ZNF69: variants seen among roughly 807,000 people sequenced by gnomAD.
ZNF69 encodes zinc finger protein 69.
ZNF69 carries 47 observed loss-of-function variants against 50.9 expected under a neutral mutation model. That is an observed-to-expected ratio of 0.92 (90% confidence interval 0.73 to 1.18). ZNF69 has a LOEUF of 1.18. Ranked by LOEUF, ZNF69 falls within the 50% of genes most tolerant of loss-of-function variation. The pLI is 0.00. For synonymous variants in ZNF69, 216 were observed against 223.1 expected (o/e 0.97, Z 0.29); for missense variants, 717 against 675.1 (o/e 1.06, Z -0.69).
chr19:11,909,541 C>T (rs1972427410), downstream of ZNF69, among the ~76,000 whole-genome samples: 1 of 152,158 alleles, frequency 6.6e-6, no homozygotes, highest in Non-Finnish European at 1.5e-5. Flanking sequence ...CGTAATCCAT[C>T]ATATAAACAG....
chr19:11,977,482 G>A, the ZNF69 span: 9 of 1,587,380 alleles, frequency 5.7e-6, no homozygotes, highest in South Asian at 1.0e-4. Flanking sequence ...TTTAGTATAT[G>A]ATAATATGTT....
chr19:11,964,707 C>G, the ZNF69 span, among the ~76,000 whole-genome samples: 1 of 152,204 alleles, frequency 6.6e-6, no homozygotes, highest in Non-Finnish European at 1.5e-5. Flanking sequence ...CCTATGGACA[C>G]TGAGTCTGAA....
the ZNF69 span, among the ~76,000 whole-genome samples, chr19:11,971,830 A>G: frequency 2.0e-5 from 3 of 152,152 alleles, no homozygotes; most frequent in Non-Finnish European, 4.4e-5. Context: ...TTGGGAGGCC[A>G]ATGTGGATGG....
chr19:11,979,202 C>T, the ZNF69 span: 26 of 1,605,940 alleles, frequency 1.6e-5, no homozygotes, highest in Non-Finnish European at 2.2e-5. Context: ...AAATGCATGC[C>T]ATGTGGTAAA....
the ZNF69 span, among the ~76,000 whole-genome samples, chr19:11,951,136 C>G: frequency 1.8e-5 from 2 of 111,628 alleles, no homozygotes; most frequent in East Asian, 5.0e-4. Flanking sequence ...GGCAACAGAG[C>G]AAGACTCCAT....
the ZNF69 span, among the ~76,000 whole-genome samples, chr19:11,935,240 T>G: frequency 5.7e-5 from 8 of 139,822 alleles, no homozygotes; most frequent in African/African-American, 1.9e-4. Context: ...CTTGTTTTTT[T>G]TTTTTTTTTT....
At chr19:11,967,728 A>G in the ZNF69 span, among the ~76,000 whole-genome samples, 2 of 152,198 alleles carry the variant, frequency 1.3e-5, no homozygotes, top group Non-Finnish European at 2.9e-5. Flanking sequence ...AAAAAAAGAA[A>G]AAAGAAAAAG....
At chr19:11,892,020 C>T (rs1026947803) in intron 1 of ZNF69, among the ~76,000 whole-genome samples, 3 of 152,052 alleles carry the variant, frequency 2.0e-5, no homozygotes, top group Non-Finnish European at 4.4e-5. Flanking sequence ...TGTTCTGTGG[C>T]CCAGGCTGGA....
chr19:11,948,117 C>A, the ZNF69 span, among the ~76,000 whole-genome samples: 3 of 152,250 alleles, frequency 2.0e-5, no homozygotes, highest in African/African-American at 7.2e-5. Context: ...ATGGCTGGGT[C>A]ATCTTGTAGA....
the ZNF69 span, chr19:11,940,046 C>T: frequency 4.0e-5 from 6 of 151,654 alleles, no homozygotes; most frequent in East Asian, 1.2e-3. Flanking sequence ...ATTCTCCTGT[C>T]TCAGCCTCCT....
chr19:11,901,605 C>G (rs1972245565), intron 1 of ZNF69, among the ~76,000 whole-genome samples: 1 of 152,062 alleles, frequency 6.6e-6, no homozygotes, highest in Admixed American at 6.6e-5. Flanking sequence ...CCATGTCAGC[C>G]TTTCAAGTAA....
At chr19:11,888,633 C>G (rs548409417) in intron 1 of ZNF69, among the ~76,000 whole-genome samples, 184 of 152,124 alleles carry the variant, frequency 1.2e-3, no homozygotes, top group Non-Finnish European at 2.2e-3. Flanking sequence ...CAGGGAAAAT[C>G]ATGAATTAGT....
chr19:11,888,443 A>G (rs1425650712), intron 1 of ZNF69, among the ~76,000 whole-genome samples: 1 of 152,240 alleles, frequency 6.6e-6, no homozygotes, highest in Non-Finnish European at 1.5e-5. Flanking sequence ...AGACACACCC[A>G]GTCCTGGCTT....
the ZNF69 span, among the ~76,000 whole-genome samples, chr19:11,943,329 T>C: frequency 2.0e-5 from 3 of 152,228 alleles, no homozygotes; most frequent in African/African-American, 4.8e-5. Context: ...CTTTAGCTGC[T>C]AGCAAGTAGT....
the ZNF69 span, among the ~76,000 whole-genome samples, chr19:11,958,766 G>C: frequency 3.3e-5 from 5 of 152,166 alleles, no homozygotes; most frequent in Admixed American, 2.6e-4. Context: ...GTGAGCTGTG[G>C]GTGAGGCAGG....
At chr19:11,897,659 TC>T (rs1972154812) in intron 1 of ZNF69, among the ~76,000 whole-genome samples, 2 of 150,182 alleles carry the variant, frequency 1.3e-5, no homozygotes, top group African/African-American at 4.9e-5. Context: ...GATCACAAGG[TC>T]AGGAGATCGA....
the ZNF69 span, chr19:11,977,092 T>C: frequency 6.8e-6 from 11 of 1,613,986 alleles, no homozygotes; most frequent in African/African-American, 2.7e-5. Context: ...GGAGTGGGCT[T>C]TGCTGGATAT....
the ZNF69 span, chr19:11,956,580 G>A: frequency 5.0e-6 from 2 of 398,534 alleles, no homozygotes; most frequent in African/African-American, 2.1e-5. Context: ...CTCACACCAG[G>A]CGCAGTGGCT....
the ZNF69 span, among the ~76,000 whole-genome samples, chr19:11,924,290 G>T: frequency 3.3e-5 from 5 of 151,954 alleles, no homozygotes; most frequent in Non-Finnish European, 5.9e-5. Context: ...ATATTAGCCG[G>T]GCGTGGTGGC....
Sources: allele counts gnomAD v4.1 joint callset (sites outside exome capture counted in the v4.1 genomes callset), GRCh38; gene constraint gnomAD v4.1.1; transcripts MANE v1.5; gene names NCBI Gene and HGNC (gene_info 2026-07-23, HGNC 2026-07-21).